Variants in FSIP1 observed in about 807,000 individuals in gnomAD.
FSIP1 encodes the protein fibrous sheath-interacting protein 1.
In FSIP1, 65 loss-of-function variants were observed where a neutral mutation model predicts 60.9. That is an observed-to-expected ratio of 1.07 (90% CI 0.87 to 1.31). The LOEUF (loss-of-function observed/expected upper bound fraction) is 1.31, where lower values mean the gene tolerates loss of function less well. FSIP1 is among the 40% of genes most tolerant of loss of function. FSIP1 has a pLI of 0.00. For missense variants in FSIP1, 675 were observed against 665.5 expected (o/e 1.01, Z -0.16); for synonymous variants, 209 against 221.2 (o/e 0.94, Z 0.49).
intron 8 of FSIP1, among the ~76,000 whole-genome samples, chr15:39,734,736 T>G (rs1289838373): frequency 6.6e-6 from 1 of 152,022 alleles, no homozygotes; most frequent in Non-Finnish European, 1.5e-5. Context: ...AATATAAAGT[T>G]TGATGTCAGG....
chr15:39,635,735 T>G (rs1453889623), intron 10 of FSIP1, among the ~76,000 whole-genome samples: 3 of 152,188 alleles, frequency 2.0e-5, no homozygotes. Context: ...AGATTCCTGG[T>G]CATCCTGATT....
At chr15:39,651,015 C>T (rs1892845530) in intron 10 of FSIP1, among the ~76,000 whole-genome samples, 1 of 152,198 alleles carries the variant, frequency 6.6e-6, no homozygotes, top group Non-Finnish European at 1.5e-5. Context: ...TTCCCAAGTG[C>T]AGCCAGTAAC....
intron 10 of FSIP1, among the ~76,000 whole-genome samples, chr15:39,635,526 C>A (rs1385743948): frequency 2.6e-5 from 4 of 152,056 alleles, no homozygotes; most frequent in South Asian, 4.2e-4. Flanking sequence ...ACCTTAGTTC[C>A]ATGTAAGGGA....
intron 10 of FSIP1, among the ~76,000 whole-genome samples, chr15:39,646,089 A>T (rs1892594042): frequency 6.6e-6 from 1 of 152,214 alleles, no homozygotes; most frequent in Non-Finnish European, 1.5e-5. Context: ...AGGATGGCTA[A>T]GGACGAAGAG....
intron 5 of FSIP1, among the ~76,000 whole-genome samples, chr15:39,748,007 A>C (rs1897051348): frequency 6.6e-6 from 1 of 152,076 alleles, no homozygotes; most frequent in African/African-American, 2.4e-5. Context: ...CATGTTGTGG[A>C]GCATCCTTCA....
At chr15:39,699,712 T>C (rs1344504431) in intron 10 of FSIP1, among the ~76,000 whole-genome samples, 2 of 152,206 alleles carry the variant, frequency 1.3e-5, no homozygotes, top group Non-Finnish European at 2.9e-5. Flanking sequence ...AACGAGTTTC[T>C]TCCTGAGTCA....
chr15:39,750,522 A>T (rs1347460890), intron 5 of FSIP1, among the ~76,000 whole-genome samples: 1 of 151,948 alleles, frequency 6.6e-6, no homozygotes, highest in African/African-American at 2.4e-5. Flanking sequence ...AGGGCCCAAG[A>T]AGACACAATG....
chr15:39,726,833 G>A, intron 8 of FSIP1, 86 bp from the exon 9 acceptor site: 1 of 882,324 alleles, frequency 1.1e-6, no homozygotes, highest in Non-Finnish European at 1.7e-6. Context: ...CAGTGCCCAG[G>A]TCTTCACATA....
At chr15:39,675,402 T>C (rs1893897016) in intron 10 of FSIP1, among the ~76,000 whole-genome samples, 1 of 152,182 alleles carries the variant, frequency 6.6e-6, no homozygotes, top group Non-Finnish European at 1.5e-5. Context: ...TACAAGAATG[T>C]TTATCACAGT....
At chr15:39,645,012 A>C (rs1160823302) in intron 10 of FSIP1, among the ~76,000 whole-genome samples, 1 of 152,228 alleles carries the variant, frequency 6.6e-6, no homozygotes, top group Non-Finnish European at 1.5e-5. Context: ...AGACATAACA[A>C]TGGCCAACAG....
chr15:39,710,614 C>A (rs895204073), intron 10 of FSIP1, among the ~76,000 whole-genome samples: 2 of 152,124 alleles, frequency 1.3e-5, no homozygotes, highest in African/African-American at 4.8e-5. Flanking sequence ...ACAAGTTTAT[C>A]ACACTTTAAT....
intron 2 of FSIP1, among the ~76,000 whole-genome samples, chr15:39,774,609 T>C (rs1375315938): frequency 6.6e-6 from 1 of 152,036 alleles, no homozygotes; most frequent in South Asian, 2.1e-4. Flanking sequence ...ACACACCATA[T>C]AGTAATGATG....
At chr15:39,678,344 A>G (rs1894027317) in intron 10 of FSIP1, among the ~76,000 whole-genome samples, 1 of 152,152 alleles carries the variant, frequency 6.6e-6, no homozygotes, top group Non-Finnish European at 1.5e-5. Flanking sequence ...AGCATTTGAT[A>G]TTTAGTCTTA....
chr15:39,778,565 T>C (rs1898139750), intron 1 of FSIP1, among the ~76,000 whole-genome samples: 1 of 152,160 alleles, frequency 6.6e-6, no homozygotes. Context: ...TGAGAAGAAA[T>C]TGCAACTGCC....
intron 10 of FSIP1, among the ~76,000 whole-genome samples, chr15:39,647,411 AAAG>A (rs1892663463): frequency 1.3e-5 from 2 of 152,052 alleles, no homozygotes; most frequent in African/African-American, 2.4e-5. Context: ...TGGTCAAAAA[AAAG>A]AGATACAAAA....
chr15:39,771,696 C>G (rs75214780), intron 2 of FSIP1, among the ~76,000 whole-genome samples: 1 of 152,124 alleles, frequency 6.6e-6, no homozygotes, highest in Non-Finnish European at 1.5e-5. Flanking sequence ...GAAAACAGAC[C>G]TAGCAGAAAA....
At chr15:39,773,978 CAT>C (rs1464333397) in intron 2 of FSIP1, among the ~76,000 whole-genome samples, 1 of 152,080 alleles carries the variant, frequency 6.6e-6, no homozygotes, top group Non-Finnish European at 1.5e-5. Flanking sequence ...TTCCAAAACT[CAT>C]AGAACTATAC....
At chr15:39,626,092 A>T (rs540732485) in intron 10 of FSIP1, among the ~76,000 whole-genome samples, 384 of 152,380 alleles carry the variant, frequency 2.5e-3, no homozygotes, top group Non-Finnish European at 4.8e-3. Context: ...CAATGGATCC[A>T]GATTAAACCT....
At chr15:39,678,319 C>T (rs534752330) in intron 10 of FSIP1, among the ~76,000 whole-genome samples, 3 of 151,848 alleles carry the variant, frequency 2.0e-5, no homozygotes, top group Middle Eastern at 3.4e-3. Flanking sequence ...AGAAACTATC[C>T]GACAACCACA....
Sources: gnomAD v4.1 joint callset for allele counts (sites outside exome capture counted in the v4.1 genomes callset) on GRCh38, gnomAD v4.1.1 for gene constraint, MANE v1.5 for transcripts, NCBI Gene and HGNC (gene_info 2026-07-23, HGNC 2026-07-21) for gene names.